The following RAB2A variants were observed in gnomAD, a reference collection of about 807,000 sequenced individuals.
RAB2A encodes ras-related protein Rab-2A.
Under a neutral mutation model 32.5 loss-of-function variants are expected in RAB2A, and 7 were observed. That is an observed-to-expected ratio of 0.22 (90% CI 0.12 to 0.40). The LOEUF is 0.40. Ranked by LOEUF, RAB2A falls within the 10% of genes least tolerant of loss-of-function variation. The pLI, the probability that RAB2A is intolerant of heterozygous loss-of-function variation, is 1.00. For missense variants in RAB2A, 108 were observed against 260.7 expected, an observed-to-expected ratio of 0.41 and a Z score of 4.03; for synonymous variants, 79 against 85.2, an observed-to-expected ratio of 0.93 and a Z score of 0.40.
At chr8:60,599,726 T>C (rs902059963) in intron 6 of RAB2A, among the ~76,000 whole-genome samples, 1 of 151,804 alleles carries the variant, frequency 6.6e-6, no homozygotes, top group Non-Finnish European at 1.5e-5. Flanking sequence ...AAATCCAAAA[T>C]AAATGAACTT....
At chr8:60,590,293 A>G (rs1054538832) in intron 5 of RAB2A, among the ~76,000 whole-genome samples, 9 of 151,670 alleles carry the variant, frequency 5.9e-5, no homozygotes, top group Non-Finnish European at 1.0e-4. Context: ...AATTCTGATT[A>G]TTTCCTACTG....
chr8:60,598,937 CAAAAAAAAAA>C lies in RAB2A; in HGVS notation c.474+6988_474+6997del, dbSNP rs56406651. 3.5e-3 allele frequency among the ~76,000 whole-genome samples: 142 copies of C among 40,388 alleles called. No homozygotes were observed. In the East Asian group the frequency reaches 0.041, roughly 12 times the overall value. 26.5% of individuals were successfully genotyped at this position (40,388 alleles called of 152,430 possible). On this transcript the variant is annotated intron_variant, in intron 6 of 7. Transcript: ENST00000262646. ...GGAAGTTCTAGCCAGTGCAGTAAAG[CAAAAAAAAAA>C]AAAAAAAAAAAAAAAAAAAGAAAAG...
chr8:60,526,894 G>T (rs760876119), intron 1 of RAB2A, among the ~76,000 whole-genome samples: 1 of 151,536 alleles, frequency 6.6e-6, no homozygotes, highest in African/African-American at 2.4e-5. Context: ...ATTTGAACCC[G>T]GGAGGGAGAG....
chr8:60,566,767 C>T (rs1318289776), intron 2 of RAB2A, among the ~76,000 whole-genome samples: 1 of 152,162 alleles, frequency 6.6e-6, no homozygotes, highest in East Asian at 1.9e-4. Context: ...TTCCCAAACT[C>T]CACTTTTTTG....
At chr8:60,551,271 C>A (rs991057195) in intron 1 of RAB2A, among the ~76,000 whole-genome samples, 10 of 152,218 alleles carry the variant, frequency 6.6e-5, no homozygotes, top group Non-Finnish European at 1.2e-4. Context: ...TATAGTCTTT[C>A]ATCCCATTCC....
rs891163430 is a variant in RAB2A at position 60,558,895 on chromosome 8, G to A, written c.90G>A (p.Arg30=). The A allele has an allele frequency of 7.4e-6, 12 of 1,612,934 alleles. No homozygotes were observed. In the African/African-American group the frequency reaches 1.1e-4, roughly 14 times the overall value. ...SCLLLQFTDK[R]FQPVHDLTIG... is the part of the protein sequence containing the mutation. The stretch of plus-strand genomic sequence containing the variant: ...TATTGCTACAGTTTACAGACAAGAG[G>A]TTTCAGCCAGTGCATGACCTTACTA... Residue 30 remains arginine, a synonymous_variant, in exon 2 of 8, where the codon AGG becomes AGA. Transcript: ENST00000262646.
At chr8:60,570,667 C>T (rs1455887645) in intron 2 of RAB2A, among the ~76,000 whole-genome samples, 2 of 152,108 alleles carry the variant, frequency 1.3e-5, no homozygotes, top group African/African-American at 4.8e-5. Flanking sequence ...CATCATGACT[C>T]CTGGATCTCT....
At chr8:60,517,452 C>T (rs1478345919) in intron 1 of RAB2A, among the ~76,000 whole-genome samples, 199 bp downstream of exon 1, 1 of 152,164 alleles carries the variant, frequency 6.6e-6, no homozygotes, top group African/African-American at 2.4e-5. Flanking sequence ...CGGTCTGCGG[C>T]CCCCGACCCG....
At chr8:60,547,683 G>T (rs1807760246) in intron 1 of RAB2A, among the ~76,000 whole-genome samples, 1 of 123,408 alleles carries the variant, frequency 8.1e-6, no homozygotes, top group Non-Finnish European at 1.8e-5. Flanking sequence ...CCCGGACGGG[G>T]CGGCTGGCCG....
intron 5 of RAB2A, among the ~76,000 whole-genome samples, chr8:60,588,100 T>A (rs934142403): frequency 1.3e-5 from 2 of 152,084 alleles, no homozygotes; most frequent in African/African-American, 4.8e-5. Flanking sequence ...TAGGGAGACT[T>A]CTTCTATACA....
chr8:60,564,956 T>C (rs2130834828), intron 2 of RAB2A, among the ~76,000 whole-genome samples: 1 of 152,380 alleles, frequency 6.6e-6, no homozygotes, highest in South Asian at 2.1e-4. Context: ...CATTCCTATA[T>C]GTTATACTAT....
intron 3 of RAB2A, among the ~76,000 whole-genome samples, chr8:60,572,929 A>G (rs984890896): frequency 1.3e-5 from 2 of 152,198 alleles, no homozygotes; most frequent in Non-Finnish European, 2.9e-5. Context: ...TGGACACTGT[A>G]TTTTTCCAAA....
intron 6 of RAB2A, among the ~76,000 whole-genome samples, chr8:60,617,187 T>C (rs548320457): frequency 5.9e-5 from 9 of 152,292 alleles, no homozygotes; most frequent in African/African-American, 2.2e-4. Context: ...TATTTATATA[T>C]AATTTCTAAA....
chr8:60,614,504 C>T (rs887172274), intron 6 of RAB2A, among the ~76,000 whole-genome samples: 1 of 152,036 alleles, frequency 6.6e-6, no homozygotes, highest in Non-Finnish European at 1.5e-5. Flanking sequence ...TTCCTGCCTA[C>T]GCCTCTTTCA....
intron 1 of RAB2A, chr8:60,552,889 T>C (rs1311997945): frequency 2.6e-5 from 4 of 152,202 alleles, no homozygotes; most frequent in African/African-American, 9.7e-5. Flanking sequence ...ACCTGCTGTG[T>C]GCTAGGGACA....
At chr8:60,525,987 ATATATGTC>A (rs1231132542) in intron 1 of RAB2A, among the ~76,000 whole-genome samples, 2 of 143,430 alleles carry the variant, frequency 1.4e-5, no homozygotes, top group African/African-American at 2.6e-5. Context: ...GTCTATATGT[ATATATGTC>A]TATATGTATA....
intron 1 of RAB2A, among the ~76,000 whole-genome samples, chr8:60,557,393 G>A (rs1807955787): frequency 6.6e-6 from 1 of 152,124 alleles, no homozygotes; most frequent in South Asian, 2.1e-4. Context: ...GTGTGCGCCT[G>A]TTATGCCAAC....
chr8:60,568,973 G>T (rs1179547006), intron 2 of RAB2A, among the ~76,000 whole-genome samples: 1 of 152,164 alleles, frequency 6.6e-6, no homozygotes, highest in Non-Finnish European at 1.5e-5. Flanking sequence ...TTCCAGAGAA[G>T]AAATCAAGTT....
intron 5 of RAB2A, 138 bp downstream of exon 5, chr8:60,584,953 T>C (rs987805413): frequency 1.9e-6 from 1 of 519,686 alleles, no homozygotes; most frequent in Non-Finnish European, 3.3e-6. Flanking sequence ...CTAAGGTGTT[T>C]CTTTTGATTT....
Sources: allele counts gnomAD v4.1 joint callset (sites outside exome capture counted in the v4.1 genomes callset), GRCh38; gene constraint gnomAD v4.1.1; transcripts MANE v1.5; gene names NCBI Gene and HGNC (gene_info 2026-07-23, HGNC 2026-07-21).